The following MTUS1 variants were observed in gnomAD, a reference collection of about 807,000 sequenced individuals.
The protein encoded by MTUS1 is microtubule-associated tumor suppressor 1.
In MTUS1, 109 loss-of-function variants were observed where a neutral mutation model predicts 120.8. The observed-to-expected ratio is 0.90, with a 90% CI of 0.77 to 1.06. The LOEUF is 1.06. Among genes scored for constraint, MTUS1 ranks in the 50% least tolerant of loss-of-function variants. The pLI is 0.00. For synonymous variants in MTUS1, 737 were observed against 550.5 expected (o/e 1.34, Z -4.74); for missense variants, 2,210 against 1,486.3 (o/e 1.49, Z -8.01).
intron 8 of MTUS1, among the ~76,000 whole-genome samples, chr8:17,657,071 A>T (rs552785378): frequency 5.5e-4 from 83 of 150,612 alleles, no homozygotes; most frequent in African/African-American, 2.0e-3. Context: ...AAAAAAAAAA[A>T]AAAAAAAAAA....
intron 12 of MTUS1, among the ~76,000 whole-genome samples, chr8:17,650,261 G>T (rs946855308): frequency 6.6e-6 from 1 of 152,158 alleles, no homozygotes; most frequent in African/African-American, 2.4e-5. Flanking sequence ...ACAGAATCTT[G>T]GCTGGAGATG....
At chr8:17,657,522 C>A (rs1258367595) in intron 8 of MTUS1, among the ~76,000 whole-genome samples, 1 of 149,166 alleles carries the variant, frequency 6.7e-6, no homozygotes, top group African/African-American at 2.5e-5. Flanking sequence ...GAGCCGAGAT[C>A]CCGCCACTGC....
chr8:17,795,089 G>T (rs2052113628), intron 1 of MTUS1, among the ~76,000 whole-genome samples: 1 of 152,146 alleles, frequency 6.6e-6, no homozygotes, highest in Non-Finnish European at 1.5e-5. Context: ...CATCCAGATT[G>T]GTATATGTGT....
chr8:17,788,148 T>C (rs144214312), intron 1 of MTUS1, among the ~76,000 whole-genome samples: 2,939 of 152,186 alleles, frequency 0.019, 158 homozygotes, highest in Admixed American at 0.11. Flanking sequence ...TCTAAGGTGA[T>C]GGACACATTC....
chr8:17,653,080 G>T, intron 12 of MTUS1, 106 bp downstream of exon 12: 1 of 659,658 alleles, frequency 1.5e-6, no homozygotes, highest in Non-Finnish European at 2.6e-6. Context: ...GACATGAGAA[G>T]GATTCCCAAC....
intron 1 of MTUS1, among the ~76,000 whole-genome samples, chr8:17,782,584 C>G (rs1189125200): frequency 6.6e-6 from 1 of 152,166 alleles, no homozygotes; most frequent in Non-Finnish European, 1.5e-5. Flanking sequence ...GAGAGTACAT[C>G]CAAAAATACA....
At chr8:17,703,336 G>A (rs749647153) in intron 6 of MTUS1, among the ~76,000 whole-genome samples, 16 of 152,094 alleles carry the variant, frequency 1.1e-4, no homozygotes, top group Non-Finnish European at 1.5e-4. Context: ...TCTGTCCTAT[G>A]CGGTGGAGAT....
At position 17,785,599 on chromosome 8, in the gene MTUS1, T is replaced by G. The variant is rs1026224042; in HGVS notation, c.-155+15462A>C. Among the ~76,000 whole-genome samples, 6 of 152,210 alleles carry G rather than the reference T, an allele frequency of 3.9e-5. No homozygotes were observed. In the South Asian group the frequency reaches 1.2e-3, roughly 32 times the overall value. On this transcript the variant is annotated intron_variant, in intron 1 of 14. Coordinates refer to ENST00000693296, the MANE Select transcript of MTUS1 (RefSeq NM_001363059.2). Reference sequence around the variant, plus strand: ...TACAAAACTGCAGCATAAAGAACATTCCTTTAGTTTACGTAATATACATTT... The same window carrying G: ...TACAAAACTGCAGCATAAAGAACATGCCTTTAGTTTACGTAATATACATTT...
intron 8 of MTUS1, among the ~76,000 whole-genome samples, chr8:17,668,115 A>G (rs1367549093): frequency 1.3e-5 from 2 of 152,266 alleles, no homozygotes; most frequent in Non-Finnish European, 2.9e-5. Flanking sequence ...TCATTAATTT[A>G]GATCAAGCTT....
chr8:17,723,102 C>A (rs929654968), intron 4 of MTUS1: 7 of 161,350 alleles, frequency 4.3e-5, no homozygotes, highest in African/African-American at 1.7e-4. Context: ...TGAATTATTT[C>A]GTGGGGAAGT....
At chr8:17,766,110 C>T (rs1038905741) in intron 1 of MTUS1, among the ~76,000 whole-genome samples, 2 of 152,156 alleles carry the variant, frequency 1.3e-5, no homozygotes, top group East Asian at 3.8e-4. Context: ...CTGGTTGACA[C>T]TGGGTGCCGA....
rs1199525485 is a variant in MTUS1 at position 17,764,615 on chromosome 8, T to C, written c.-154-8654A>G. On this transcript the variant is annotated intron_variant, in intron 1 of 14. Coordinates refer to ENST00000693296, the MANE Select transcript of MTUS1 (RefSeq NM_001363059.2). ...AAGCCATTTCTGAAAAAGGCCAATA[T>C]AAAATATCTTAGGCTTTACAGGATG... is the stretch of plus-strand genomic sequence containing the variant. Among the ~76,000 whole-genome samples the C allele has an allele frequency of 2.0e-5, 3 of 152,202 alleles. No individual in the cohort carries two copies. In the East Asian group the frequency reaches 5.8e-4, roughly 29 times the overall value.
chr8:17,727,339 A>G (rs1191526761), intron 3 of MTUS1, among the ~76,000 whole-genome samples: 3 of 152,224 alleles, frequency 2.0e-5, no homozygotes, highest in African/African-American at 7.2e-5. Context: ...AGTAAGGCCT[A>G]GAATCCAAGT....
intron 8 of MTUS1, among the ~76,000 whole-genome samples, chr8:17,666,356 T>C (rs1810912199): frequency 6.6e-6 from 1 of 152,110 alleles, no homozygotes; most frequent in Non-Finnish European, 1.5e-5. Flanking sequence ...GGATCATTTT[T>C]AGAGCACGAG....
Position 17,754,648 on chromosome 8 carries a change from C to T in MTUS1, c.1160G>A (p.Gly387Glu), listed in dbSNP as rs780779196. The T allele has an allele frequency of 3.1e-6, 5 of 1,614,166 alleles. No homozygotes were observed. The highest frequency in any genetic ancestry group is 4.2e-6 in the Non-Finnish European group (5 of 1,180,034). ...CAATTCTGAGGTATGATTTTGGGTT[C>T]CCAAATCCTTTCCTTTGGAGACCAT... ...TQMVSKGKDL[G>E]TQNHTSELIL... Residue 387 changes from glycine to glutamate, a missense_variant, in exon 2 of 15, where the codon GGA becomes GAA. By Grantham distance (98) the Gly-to-Glu change is moderately conservative (BLOSUM62 -2). Coordinates refer to ENST00000693296, the MANE Select transcript of MTUS1 (RefSeq NM_001363059.2).
At chr8:17,752,777 T>G (rs1443264275) in intron 2 of MTUS1, among the ~76,000 whole-genome samples, 1 of 152,130 alleles carries the variant, frequency 6.6e-6, no homozygotes, top group Non-Finnish European at 1.5e-5. Context: ...CTTAGCTCCC[T>G]TCCTGGCCCA....
At chr8:17,715,064 C>A (rs1052521562) in intron 5 of MTUS1, among the ~76,000 whole-genome samples, 1 of 151,682 alleles carries the variant, frequency 6.6e-6, no homozygotes, top group Non-Finnish European at 1.5e-5. Flanking sequence ...CACGACCATG[C>A]CCAGCTAATT....
At chr8:17,794,023 G>A (rs1733946400) in intron 1 of MTUS1, among the ~76,000 whole-genome samples, 1 of 151,984 alleles carries the variant, frequency 6.6e-6, no homozygotes, top group African/African-American at 2.4e-5. Flanking sequence ...AAAAATGGCT[G>A]AGGCTGAGGA....
At chr8:17,678,802 G>A (rs893633704) in intron 7 of MTUS1, among the ~76,000 whole-genome samples, 4 of 151,350 alleles carry the variant, frequency 2.6e-5, no homozygotes, top group African/African-American at 9.7e-5. Flanking sequence ...GGTTTGGGGA[G>A]GGTGACCTCA....
Sources: allele counts gnomAD v4.1 joint callset (sites outside exome capture counted in the v4.1 genomes callset), GRCh38; gene constraint gnomAD v4.1.1; transcripts MANE v1.5; gene names NCBI Gene and HGNC (gene_info 2026-07-23, HGNC 2026-07-21).